Variants in EXOC6 observed in about 807,000 individuals in gnomAD.
EXOC6 encodes the protein SEC15-like 1.
In EXOC6, 60 loss-of-function variants were observed where a neutral mutation model predicts 112.5. The observed-to-expected ratio is 0.53, with a 90% CI of 0.43 to 0.66. The LOEUF (loss-of-function observed/expected upper bound fraction) is 0.66. Among genes scored for constraint, EXOC6 ranks in the 30% least tolerant of loss-of-function variants. EXOC6 has a pLI of 0.00. For synonymous variants in EXOC6, 295 were observed against 308.0 expected, an observed-to-expected ratio of 0.96 and a Z score of 0.44; for missense variants, 855 against 957.1, an observed-to-expected ratio of 0.89 and a Z score of 1.41.
intron 1 of EXOC6, among the ~76,000 whole-genome samples, chr10:92,864,410 G>A (rs891819025): frequency 7.9e-5 from 12 of 152,168 alleles, no homozygotes; most frequent in Non-Finnish European, 1.6e-4. Flanking sequence ...TGACTCTAGA[G>A]CACTGGTTCT....
chr10:92,971,660 G>T (rs141223046), intron 17 of EXOC6, among the ~76,000 whole-genome samples: 2 of 152,054 alleles, frequency 1.3e-5, no homozygotes, highest in African/African-American at 2.4e-5. Context: ...GATTACACGC[G>T]TCACTTATTG....
chr10:92,922,577 TAC>T (rs1288419014), intron 8 of EXOC6, among the ~76,000 whole-genome samples: 1 of 152,194 alleles, frequency 6.6e-6, no homozygotes, highest in African/African-American at 2.4e-5. Context: ...TAAGGTATCC[TAC>T]TCTATTTGAT....
chr10:92,915,755 T>C lies in EXOC6; in HGVS notation c.664-3T>C, dbSNP rs759969385. On this transcript the variant is annotated splice_region_variant and splice_polypyrimidine_tract_variant and intron_variant, in intron 6 of 21. Transcript: ENST00000260762. ...AATCTGAATTTCTCTCTCTTCAAAA[T>C]AGGCACAGCATCAGAAAACCTTCAG... 1.3e-6 allele frequency: 2 copies of C among 1,513,022 alleles called. No homozygotes were observed. Among genetic ancestry groups the C allele is most frequent in the Non-Finnish European group, 1.8e-6 (2 of 1,142,250 alleles). 93.7% of individuals were successfully genotyped at this position (1,513,022 alleles called of 1,614,324 possible).
intron 12 of EXOC6, among the ~76,000 whole-genome samples, chr10:92,940,257 C>A (rs545077395): frequency 6.6e-6 from 1 of 152,066 alleles, no homozygotes; most frequent in African/African-American, 2.4e-5. Context: ...GAATAAAATT[C>A]GGAAGTGTGA....
chr10:92,928,553 A>G, intron 9 of EXOC6, 131 bp downstream of exon 9: 1 of 575,916 alleles, frequency 1.7e-6, no homozygotes, highest in East Asian at 3.0e-5. Context: ...ATTTCCAAAC[A>G]TTGGTTTAGG....
Position 93,058,642 on chromosome 10 carries a change from T to G in EXOC6, c.*287T>G. On this transcript the variant is annotated 3_prime_UTR_variant, in exon 22 of 22. Coordinates refer to ENST00000260762, the MANE Select transcript of EXOC6 (RefSeq NM_019053.6). The stretch of plus-strand genomic sequence containing the variant: ...AATTATACATGAAATTGATTACAAA[T>G]ACATTTGAAAAACATATGCCTCTAC... 1 of 237,448 alleles carries G rather than the reference T, an allele frequency of 4.2e-6. No individual in the cohort carries two copies. The highest frequency in any genetic ancestry group is 8.1e-6 in the Non-Finnish European group (1 of 123,952). 14.7% of individuals were successfully genotyped at this position (237,448 alleles called of 1,614,324 possible). A position where few individuals can be genotyped will look rare whatever the true frequency, so the allele number is the denominator to read the frequency against.
chr10:92,849,342 A>G (rs1373480321), intron 1 of EXOC6, among the ~76,000 whole-genome samples: 1 of 152,208 alleles, frequency 6.6e-6, no homozygotes, highest in African/African-American at 2.4e-5. Context: ...TTTCATTAAA[A>G]TTGCATTAAT....
chr10:92,851,992 C>G (rs1847371080), intron 1 of EXOC6, among the ~76,000 whole-genome samples: 1 of 152,138 alleles, frequency 6.6e-6, no homozygotes, highest in African/African-American at 2.4e-5. Flanking sequence ...GGCTCAGAGT[C>G]TGGGTCGTTA....
intron 1 of EXOC6, among the ~76,000 whole-genome samples, chr10:92,849,446 A>G (rs1192865501): frequency 6.6e-6 from 1 of 152,190 alleles, no homozygotes; most frequent in Non-Finnish European, 1.5e-5. Context: ...CTGTTCCAAT[A>G]GAATATTATT....
At chr10:92,953,352 T>C (rs922380853) in intron 15 of EXOC6, among the ~76,000 whole-genome samples, 5 of 152,182 alleles carry the variant, frequency 3.3e-5, no homozygotes, top group Admixed American at 6.5e-5. Flanking sequence ...GTGCTGAGAT[T>C]ACAGGCACAA....
At chr10:92,974,988 C>G (rs1479473298) in intron 18 of EXOC6, among the ~76,000 whole-genome samples, 1 of 152,152 alleles carries the variant, frequency 6.6e-6, no homozygotes, top group Non-Finnish European at 1.5e-5. Context: ...CGGCCGCCAC[C>G]CCGTCTGGGA....
chr10:92,884,914 T>A (rs1849137960), intron 1 of EXOC6, among the ~76,000 whole-genome samples: 1 of 152,186 alleles, frequency 6.6e-6, no homozygotes, highest in Non-Finnish European at 1.5e-5. Flanking sequence ...GATTACTAAG[T>A]CATTTATTTA....
chr10:93,006,134 T>G (rs768744647), intron 19 of EXOC6, among the ~76,000 whole-genome samples: 16 of 151,802 alleles, frequency 1.1e-4, no homozygotes, highest in Non-Finnish European at 1.9e-4. Context: ...TACTCCCGCC[T>G]GGGTGACAGA....
intron 19 of EXOC6, among the ~76,000 whole-genome samples, chr10:93,012,670 GTTA>G (rs1046695483): frequency 8.5e-5 from 13 of 152,130 alleles, no homozygotes; most frequent in Non-Finnish European, 1.5e-4. Context: ...AATTGCTTTT[GTTA>G]TTCCAAGAAC....
exon 1 of EXOC6, chr10:92,834,713 C>A: frequency 1.3e-6 from 2 of 1,582,298 alleles, no homozygotes; most frequent in Non-Finnish European, 1.7e-6. Context: ...ACATCTGCAG[C>A]TGGAAAATTA....
chr10:92,955,122 T>C (rs529906612), intron 16 of EXOC6, among the ~76,000 whole-genome samples: 2 of 152,082 alleles, frequency 1.3e-5, no homozygotes, highest in South Asian at 4.1e-4. Context: ...TGCAGTGAGT[T>C]ACAATCATAC....
At chr10:92,994,310 A>G (rs1351403928) in intron 18 of EXOC6, among the ~76,000 whole-genome samples, 3 of 152,158 alleles carry the variant, frequency 2.0e-5, no homozygotes, top group African/African-American at 4.8e-5. Flanking sequence ...CTTTACCACA[A>G]TTGTTCTTAG....
chr10:92,876,485 C>A (rs1300472998), intron 1 of EXOC6, among the ~76,000 whole-genome samples: 1 of 152,156 alleles, frequency 6.6e-6, no homozygotes, highest in Non-Finnish European at 1.5e-5. Flanking sequence ...CAGTTGACTC[C>A]AGAGCCTACA....
At chr10:92,889,385 C>A (rs1156425928) in intron 1 of EXOC6, among the ~76,000 whole-genome samples, 1 of 151,952 alleles carries the variant, frequency 6.6e-6, no homozygotes, top group East Asian at 1.9e-4. Flanking sequence ...CCCATATATT[C>A]CCTATCCTAC....
Sources: allele counts gnomAD v4.1 joint callset (sites outside exome capture counted in the v4.1 genomes callset), GRCh38; gene constraint gnomAD v4.1.1; transcripts MANE v1.5; gene names NCBI Gene and HGNC (gene_info 2026-07-23, HGNC 2026-07-21).